The following FNDC3B variants were observed in gnomAD, a reference collection of about 807,000 sequenced individuals.
The protein encoded by FNDC3B is fibronectin type III domain-containing protein 3B.
A neutral mutation model predicts 151.5 loss-of-function variants in FNDC3B; 12 were observed. The ratio of observed to expected loss-of-function variants is 0.08; its 90% CI spans 0.05 to 0.13. FNDC3B has a LOEUF of 0.13. Among genes scored for constraint, FNDC3B ranks in the 10% least tolerant of loss-of-function variants. The pLI, the probability that FNDC3B is intolerant of heterozygous loss-of-function variation, is 1.00. For missense variants in FNDC3B, 1,214 were observed against 1,505.3 expected (o/e 0.81, Z 3.20); for synonymous variants, 528 against 549.0 (o/e 0.96, Z 0.54).
At chr3:172,140,807 C>T (rs1293380110) in intron 3 of FNDC3B, among the ~76,000 whole-genome samples, 2 of 152,196 alleles carry the variant, frequency 1.3e-5, no homozygotes, top group Non-Finnish European at 2.9e-5. Flanking sequence ...GTATATGCTG[C>T]TTCCTGCCTT....
chr3:172,065,045 T>C (rs191321536), intron 1 of FNDC3B, among the ~76,000 whole-genome samples: 143 of 152,296 alleles, frequency 9.4e-4, no homozygotes, highest in African/African-American at 3.3e-3. Flanking sequence ...TTAAAATTTC[T>C]GGTAGAGGCC....
At chr3:172,086,085 G>T (rs1473879416) in intron 1 of FNDC3B, among the ~76,000 whole-genome samples, 1 of 152,312 alleles carries the variant, frequency 6.6e-6, no homozygotes, top group East Asian at 1.9e-4. Context: ...TCTGGGCCAG[G>T]CATGGTGGTT....
intron 3 of FNDC3B, among the ~76,000 whole-genome samples, chr3:172,166,842 A>C (rs1306692787): frequency 1.7e-5 from 1 of 59,534 alleles, no homozygotes; most frequent in Non-Finnish European, 3.3e-5. Flanking sequence ...GGGTGGGGGG[A>C]GGGGGGTCCA....
At chr3:172,168,493 C>T (rs149944034) in intron 3 of FNDC3B, among the ~76,000 whole-genome samples, 233 of 152,138 alleles carry the variant, frequency 1.5e-3, no homozygotes, top group African/African-American at 5.4e-3. Context: ...CTATCACATG[C>T]GAGAACTGAC....
intron 1 of FNDC3B, among the ~76,000 whole-genome samples, chr3:172,108,151 GA>G (rs1719753869): frequency 6.6e-6 from 1 of 150,864 alleles, no homozygotes; most frequent in African/African-American, 2.5e-5. Context: ...CTGGGCAACA[GA>G]GTGAGACTCT....
chr3:172,131,380 C>T lies in FNDC3B; in HGVS notation c.112-2091C>T, dbSNP rs570075903. The stretch of plus-strand genomic sequence containing the variant: ...TGCACTCCATCCTGGGCAACAAGAG[C>T]GAAACTCCGTCTCAAGAAAAAAAAA... On this transcript the variant is annotated intron_variant, in intron 2 of 25. Coordinates refer to ENST00000415807, the MANE Select transcript of FNDC3B (RefSeq NM_022763.4). Among the ~76,000 whole-genome samples the T allele has an allele frequency of 7.9e-4, 116 of 147,024 alleles. 2 individuals are homozygous for T. Among genetic ancestry groups the T allele is most frequent in the Non-Finnish European group, 2.7e-4 (18 of 67,244 alleles).
intron 2 of FNDC3B, among the ~76,000 whole-genome samples, chr3:172,120,333 T>C (rs185635560): frequency 3.9e-5 from 6 of 152,322 alleles, no homozygotes; most frequent in African/African-American, 1.4e-4. Flanking sequence ...TTTTAAAATC[T>C]AAGGTGATTT....
chr3:172,237,308 G>T (rs1727219303), intron 4 of FNDC3B: 1 of 152,314 alleles, frequency 6.6e-6, no homozygotes, highest in Non-Finnish European at 1.5e-5. Flanking sequence ...TGGTGTGTGG[G>T]TTAAAAATTA....
At chr3:172,311,064 G>C (rs1201463191) in intron 11 of FNDC3B, 183 bp downstream of exon 11, 3 of 577,462 alleles carry the variant, frequency 5.2e-6, no homozygotes, top group Non-Finnish European at 9.3e-6. Context: ...AGTATTATGA[G>C]TTGTGTATTG....
At chr3:172,297,715 C>T (rs1023170506) in intron 8 of FNDC3B, among the ~76,000 whole-genome samples, 1 of 152,134 alleles carries the variant, frequency 6.6e-6, no homozygotes, top group Admixed American at 6.5e-5. Flanking sequence ...ACCTCGTGAT[C>T]CGCCCTCCTT....
intron 23 of FNDC3B, among the ~76,000 whole-genome samples, chr3:172,377,154 T>G (rs1041006344): frequency 6.6e-6 from 1 of 152,240 alleles, no homozygotes; most frequent in Non-Finnish European, 1.5e-5. Context: ...GTCAGACATT[T>G]TGGATTATGA....
At chr3:172,062,261 C>G (rs1717240083) in intron 1 of FNDC3B, among the ~76,000 whole-genome samples, 1 of 151,890 alleles carries the variant, frequency 6.6e-6, no homozygotes, top group African/African-American at 2.4e-5. Flanking sequence ...TTCTTCCTGC[C>G]CCTGTCTGTT....
At chr3:172,050,773 G>A (rs559297879) in intron 1 of FNDC3B, among the ~76,000 whole-genome samples, 1 of 151,680 alleles carries the variant, frequency 6.6e-6, no homozygotes, top group East Asian at 1.9e-4. Context: ...TTTATATAGT[G>A]TGTGTGTATA....
chr3:172,337,631 C>G (rs1055345346), intron 16 of FNDC3B: 3 of 467,844 alleles, frequency 6.4e-6, no homozygotes, highest in Non-Finnish European at 1.1e-5. Context: ...TTTTCTGTAT[C>G]TTTTTCATTG....
At chr3:172,230,141 T>C (rs571185844) in intron 4 of FNDC3B, among the ~76,000 whole-genome samples, 2 of 151,814 alleles carry the variant, frequency 1.3e-5, no homozygotes, top group African/African-American at 4.8e-5. Flanking sequence ...GAGAAAAAAA[T>C]AGATAAATTT....
chr3:172,333,533 C>T (rs1343854329), intron 14 of FNDC3B, among the ~76,000 whole-genome samples: 5 of 108,930 alleles, frequency 4.6e-5, no homozygotes, highest in Admixed American at 1.2e-4. Flanking sequence ...TTAGTTGAGA[C>T]GGGGGTTTCA....
rs1335386676 is a variant in FNDC3B, at chr3:172,400,118, G to A, written c.*2643G>A. ...TCACACACGAACAATAAAATAAAGT[G>A]TTCTATTAACCTGATCTCTTTGCCC... On this transcript the variant is annotated 3_prime_UTR_variant, in exon 26 of 26. Coordinates refer to ENST00000415807, the MANE Select transcript of FNDC3B (RefSeq NM_022763.4). The A allele has an allele frequency of 1.3e-5, 2 of 152,194 alleles. No homozygotes were observed. Among genetic ancestry groups the A allele is most frequent in the African/African-American group, 2.4e-5 (1 of 41,392 alleles). The allele number at this position is 152,194 out of a possible 1,614,324, so 9.4% of individuals were successfully genotyped here.
intron 6 of FNDC3B, among the ~76,000 whole-genome samples, chr3:172,253,900 C>T (rs1328702211): frequency 6.6e-6 from 1 of 152,062 alleles, no homozygotes; most frequent in Admixed American, 6.5e-5. Flanking sequence ...CTGCCTCACT[C>T]TCCTGAGTAG....
At chr3:172,346,160 A>C (rs1733603734) in intron 19 of FNDC3B, 167 bp from the exon 20 acceptor site, 1 of 416,648 alleles carries the variant, frequency 2.4e-6, no homozygotes, top group Non-Finnish European at 4.3e-6. Context: ...AAAAACTTAC[A>C]CACATTGAAT....
Sources: gnomAD v4.1 joint callset for allele counts (sites outside exome capture counted in the v4.1 genomes callset) on GRCh38, gnomAD v4.1.1 for gene constraint, MANE v1.5 for transcripts, NCBI Gene and HGNC (gene_info 2026-07-23, HGNC 2026-07-21) for gene names.